The following PSMB4 variants were observed in gnomAD, a reference collection of about 807,000 sequenced individuals.
PSMB4 encodes the protein proteasome 20S subunit beta 4.
A neutral mutation model predicts 35.2 loss-of-function variants in PSMB4; 16 were observed. The observed-to-expected ratio is 0.45, with a 90% CI of 0.31 to 0.69. The LOEUF (loss-of-function observed/expected upper bound fraction) is 0.69, where lower values mean the gene tolerates loss of function less well. PSMB4 is among the 30% of genes least tolerant of loss of function. PSMB4 has a pLI of 0.06. For synonymous variants in PSMB4, 144 were observed against 134.1 expected, an observed-to-expected ratio of 1.07 and a Z score of -0.51; for missense variants, 333 against 351.8, an observed-to-expected ratio of 0.95 and a Z score of 0.43.
chr1:151,401,317 C>A lies in PSMB4; in HGVS notation c.655C>A (p.Arg219=). The A allele has an allele frequency of 6.2e-7, 1 of 1,614,072 alleles. No individual in the cohort carries two copies. The stretch of plus-strand genomic sequence containing the variant: ...CCGCGACTTAGTAGAACGCTGCATG[C>A]GAGTGCTGTACTACCGAGATGCCCG... ...EARDLVERCM[R]VLYYRDARSY... The change falls in exon 5 of 7, where the codon CGA becomes AGA. Residue 219 remains arginine (R), a synonymous_variant. Transcript: ENST00000290541.
rs1652841220 is a variant in PSMB4 at position 151,401,596 on chromosome 1, A to G, written c.748A>G (p.Thr250Ala). 6.2e-7 allele frequency: 1 copy of G among 1,612,168 alleles called. No homozygotes were observed. The highest frequency in any genetic ancestry group is 8.5e-7 in the Non-Finnish European group (1 of 1,178,278). The change falls in exon 6 of 7, where the codon ACA becomes GCA. Residue 250 changes from threonine (T) to alanine (A), a missense_variant. Physicochemically the swap from Thr to Ala is moderately conservative, Grantham distance 58. Coordinates refer to ENST00000290541, the MANE Select transcript of PSMB4 (RefSeq NM_002796.3). Reference protein sequence around the residue: ...KGVEIEGPLSTETNWDIAHMI... With the variant: ...KGVEIEGPLSAETNWDIAHMI... ...TGTTGAAATAGAGGGACCATTGTCTACAGAGACCAACTGGGATATTGCCCA... is the reference window on the plus strand; with the variant it reads ...TGTTGAAATAGAGGGACCATTGTCTGCAGAGACCAACTGGGATATTGCCCA...
chr1:151,400,989 G>A, intron 4 of PSMB4, 144 bp downstream of exon 4: 1 of 892,846 alleles, frequency 1.1e-6, no homozygotes, highest in Non-Finnish European at 1.8e-6. Flanking sequence ...TAGTCTGGGG[G>A]CTGTAGGTGT....
chr1:151,401,428 AACAGATTGCCTT>A, intron 5 of PSMB4, 73 bp downstream of exon 5: 1 of 1,545,206 alleles, frequency 6.5e-7, no homozygotes, highest in Non-Finnish European at 8.9e-7. Flanking sequence ...TGCTTTGAAG[AACAGATTGCCTT>A]ACTTGTGTGA....
intron 3 of PSMB4, 59 bp downstream of exon 3, chr1:151,400,647 A>C (rs763115700): frequency 6.2e-7 from 1 of 1,612,554 alleles, no homozygotes; most frequent in Non-Finnish European, 8.5e-7. Context: ...CCTGTGTAGT[A>C]TCTCTTCTGT....
Position 151,401,255 on chromosome 1 carries a change from T to G in PSMB4, c.593T>G (p.Val198Gly). Residue 198 changes from valine (V) to glycine (G), a missense_variant, in exon 5 of 7, where the codon GTT becomes GGT. Transcript: ENST00000290541. ...AYLAQPLLRE[V>G]LEKQPVLSQT... ...TCTCCCTAGCCTCTGCTGCGAGAAG[T>G]TCTGGAGAAGCAGCCAGTGCTAAGC... 6.2e-7 allele frequency: 1 copy of G among 1,614,116 alleles called. No individual in the cohort carries two copies. The highest frequency in any genetic ancestry group is 8.5e-7 in the Non-Finnish European group (1 of 1,180,010).
intron 5 of PSMB4, 33 bp downstream of exon 5, chr1:151,401,388 C>T: frequency 1.9e-6 from 3 of 1,600,852 alleles, no homozygotes; most frequent in Non-Finnish European, 2.6e-6. Context: ...AATTGGCGGG[C>T]TCTGGCTACT....
chr1:151,400,658 C>T (rs1013543612), intron 3 of PSMB4, 70 bp downstream of exon 3: 7 of 1,611,324 alleles, frequency 4.3e-6, no homozygotes, highest in Non-Finnish European at 5.1e-6. Flanking sequence ...TCTCTTCTGT[C>T]TCTTCTCCCC....
chr1:151,400,442 G>A lies in PSMB4; in HGVS notation c.348G>A (p.Val116=), dbSNP rs145190029. ...TTTCTCACAACCAATTCCTTTTAAG[G>A]ATTGATGAGGAGCTTCTGGGAGATG... is the stretch of plus-strand genomic sequence containing the variant. The part of the protein sequence containing the change: ...QYLKQVLGQM[V]IDEELLGDGH... Residue 116 remains valine (V), a splice_region_variant and synonymous_variant, in exon 3 of 7, where the codon GTG becomes GTA. Transcript: ENST00000290541. The A allele has an allele frequency of 1.2e-4, 197 of 1,612,574 alleles. No individual in the cohort carries two copies. The highest frequency in any genetic ancestry group is 1.6e-4 in the Non-Finnish European group (191 of 1,179,718).
chr1:151,399,927 GAA>G (rs1487690853), intron 1 of PSMB4, 52 bp from the exon 2 acceptor site: 4 of 1,569,196 alleles, frequency 2.5e-6, no homozygotes, highest in Non-Finnish European at 3.5e-6. Context: ...TCAGTGCGCG[GAA>G]AGAGGGCGCA....
rs973933466 is a variant in PSMB4, at chr1:151,400,681, C to CT, written c.495-80dup. On this transcript the variant is annotated intron_variant, in intron 3 of 6. Transcript: ENST00000290541. ...GTCTCTTCTCCCCAAGTGAATCCCA[C>CT]TTTAACTCAGACCCCATGGTCCCCT... The CT allele has an allele frequency of 1.3e-5, 21 of 1,610,208 alleles. No homozygotes were observed. The African/African-American group carries it at 2.5e-4, about 19-fold the overall frequency.
chr1:151,401,587 C>A lies in PSMB4; in HGVS notation c.739C>A (p.Pro247Thr), dbSNP rs772971488. ...VTEKGVEIEGPLSTETNWDIA... is the reference protein window; with the variant it reads ...VTEKGVEIEGTLSTETNWDIA... ...CGAAAAAGGTGTTGAAATAGAGGGA[C>A]CATTGTCTACAGAGACCAACTGGGA... is the stretch of plus-strand genomic sequence containing the variant. The change falls in exon 6 of 7, where the codon CCA becomes ACA. Residue 247 changes from proline (P) to threonine (T), a missense_variant. Pro to Thr is a conservative substitution (Grantham distance 38). Coordinates refer to ENST00000290541, the MANE Select transcript of PSMB4 (RefSeq NM_002796.3). 6.2e-7 allele frequency: 1 copy of A among 1,612,884 alleles called. No individual in the cohort carries two copies. Among genetic ancestry groups the A allele is most frequent in the East Asian group, 2.2e-5 (1 of 44,876 alleles).
rs943089766 is a variant in PSMB4 at position 151,401,844 on chromosome 1, A to G, written c.*15A>G. ...GCTTTGAATGAAATACAGATGCATT[A>G]TCCAGAACTGAAGTTGCCCTACTTT... is the stretch of plus-strand genomic sequence containing the variant. On this transcript the variant is annotated 3_prime_UTR_variant, in exon 7 of 7. Coordinates refer to ENST00000290541, the MANE Select transcript of PSMB4 (RefSeq NM_002796.3). 1.9e-6 allele frequency: 3 copies of G among 1,608,734 alleles called. No homozygotes were observed. Among genetic ancestry groups the G allele is most frequent in the Non-Finnish European group, 2.6e-6 (3 of 1,175,148 alleles).
chr1:151,401,182 C>A (rs748213687), intron 4 of PSMB4, 57 bp from the exon 5 acceptor site: 1 of 1,342,226 alleles, frequency 7.5e-7, no homozygotes, highest in Non-Finnish European at 1.1e-6. Context: ...AGATTTGAGA[C>A]AACTAGCCTG....
chr1:151,401,048 T>G (rs963914008), intron 4 of PSMB4, 191 bp from the exon 5 acceptor site: 1 of 759,926 alleles, frequency 1.3e-6, no homozygotes, highest in East Asian at 2.4e-5. Context: ...TCAGTAGACA[T>G]GCAAAGAGAG....
intron 1 of PSMB4, 39 bp downstream of exon 1, chr1:151,399,766 C>A (rs775163296): frequency 1.9e-6 from 3 of 1,612,820 alleles, no homozygotes; most frequent in Non-Finnish European, 2.5e-6. Context: ...GCGGGAGGGA[C>A]CGTGGGGCCT....
intron 1 of PSMB4, 65 bp from the exon 2 acceptor site, chr1:151,399,916 C>G (rs1430877322): frequency 4.5e-6 from 7 of 1,553,632 alleles, no homozygotes; most frequent in Non-Finnish European, 5.3e-6. Context: ...AGAAGCGCAG[C>G]TCAGTGCGCG....
intron 2 of PSMB4, 93 bp from the exon 3 acceptor site, chr1:151,400,349 G>T: frequency 1.3e-6 from 2 of 1,520,196 alleles, no homozygotes; most frequent in Non-Finnish European, 9.0e-7. Context: ...GGCATTAGGT[G>T]TAAAATGGGG....
At chr1:151,401,435 T>G (rs1177393008) in intron 5 of PSMB4, 80 bp downstream of exon 5, 1 of 1,538,254 alleles carries the variant, frequency 6.5e-7, no homozygotes, top group African/African-American at 1.4e-5. Context: ...AAGAACAGAT[T>G]GCCTTACTTG....
intron 2 of PSMB4, 78 bp downstream of exon 2, chr1:151,400,265 T>TG: frequency 1.3e-6 from 2 of 1,485,762 alleles, no homozygotes; most frequent in East Asian, 2.3e-5. Context: ...TTCGATGGGA[T>TG]GGGGGGACTT....
Sources: allele counts gnomAD v4.1 joint callset, GRCh38; gene constraint gnomAD v4.1.1; transcripts MANE v1.5; gene names NCBI Gene and HGNC (gene_info 2026-07-23, HGNC 2026-07-21).